Variants in NPC1 observed in about 807,000 individuals in gnomAD.
The protein encoded by NPC1 is NPC intracellular cholesterol transporter 1.
NPC1 carries 85 observed loss-of-function variants against 140.4 expected under a neutral mutation model. The observed-to-expected ratio is 0.61, with a 90% CI of 0.51 to 0.72. The LOEUF is 0.72. Among genes scored for constraint, NPC1 ranks in the 30% least tolerant of loss-of-function variants. The pLI, the probability that NPC1 is intolerant of heterozygous loss-of-function variation, is 0.00. For synonymous variants in NPC1, 656 were observed against 624.8 expected (o/e 1.05, Z -0.74); for missense variants, 1,504 against 1,623.8 (o/e 0.93, Z 1.27).
intron 20 of NPC1, 84 bp from the exon 21 acceptor site, chr18:23,536,960 C>T (rs763485232): frequency 1.1e-5 from 12 of 1,097,242 alleles, no homozygotes; most frequent in Non-Finnish European, 1.6e-5. Context: ...TAAGCAAAAT[C>T]ACCTGACCCT....
chr18:23,567,284 G>A (rs1017233113), intron 4 of NPC1, among the ~76,000 whole-genome samples: 2 of 152,178 alleles, frequency 1.3e-5, no homozygotes, highest in African/African-American at 2.4e-5. Context: ...ATGAATGAGA[G>A]CTCATTGCCA....
intron 19 of NPC1, chr18:23,539,070 C>T (rs1231010363): frequency 4.1e-6 from 2 of 483,420 alleles, no homozygotes; most frequent in Non-Finnish European, 7.5e-6. Context: ...AGATACCAAT[C>T]CTGAGAGGCA....
intron 3 of NPC1, chr18:23,509,353 C>T: frequency 1.9e-6 from 1 of 520,266 alleles, no homozygotes; most frequent in Non-Finnish European, 3.1e-6. Context: ...GAATTCAGTA[C>T]TGAATATATA....
chr18:23,527,131 C>T (rs1598906607), downstream of NPC1, among the ~76,000 whole-genome samples: 1 of 151,166 alleles, frequency 6.6e-6, no homozygotes, highest in East Asian at 1.9e-4. Flanking sequence ...TGCTTATAAT[C>T]CCAGCACTCT....
intron 1 of NPC1, chr18:23,524,064 C>A: frequency 6.6e-7 from 1 of 1,504,808 alleles, no homozygotes; most frequent in South Asian, 1.1e-5. Context: ...ACTTTTGTGT[C>A]ATAAGTACCA....
intron 3 of NPC1, chr18:23,507,986 A>G: frequency 6.2e-7 from 1 of 1,610,342 alleles, no homozygotes; most frequent in East Asian, 2.2e-5. Context: ...TCCTTTCAGG[A>G]TTTTTGTAAT....
chr18:23,578,660 CTAAT>C (rs755937045), intron 1 of NPC1, among the ~76,000 whole-genome samples: 1 of 152,236 alleles, frequency 6.6e-6, no homozygotes, highest in Non-Finnish European at 1.5e-5. Context: ...AAACACTGCT[CTAAT>C]TATATCCACA....
chr18:23,582,748 T>C (rs1365498674), intron 1 of NPC1, among the ~76,000 whole-genome samples: 6 of 149,380 alleles, frequency 4.0e-5, no homozygotes, highest in Admixed American at 2.7e-4. Flanking sequence ...GAGGCTGTAG[T>C]GAGCCAAGAT....
At position 23,586,359 on chromosome 18, in the gene NPC1, G is replaced by C. The variant is rs1430896709; in HGVS notation, c.-16C>G. The C allele has an allele frequency of 2.0e-6, 3 of 1,532,066 alleles. No homozygotes were observed. In the African/African-American group the frequency reaches 4.1e-5, roughly 21 times the overall value. 94.9% of individuals were successfully genotyped at this position (1,532,066 alleles called of 1,614,324 possible). A position where few individuals can be genotyped will look rare whatever the true frequency, so the allele number is the denominator to read the frequency against. On this transcript the variant is annotated 5_prime_UTR_variant, in exon 1 of 25. Coordinates refer to ENST00000269228, the MANE Select transcript of NPC1 (RefSeq NM_000271.5). ...GAGCGGTCATGCTGTGGCCGCGCAA[G>C]GCTGCTGACGCCGGCGGCGTTCGGC...
intron 3 of NPC1, among the ~76,000 whole-genome samples, chr18:23,571,485 C>A (rs2059202466): frequency 6.6e-6 from 1 of 152,012 alleles, no homozygotes; most frequent in African/African-American, 2.4e-5. Flanking sequence ...GGTGAAACCC[C>A]ACCTCTACTA....
intron 3 of NPC1, among the ~76,000 whole-genome samples, chr18:23,512,036 T>TTC (rs1567916696): frequency 4.4e-5 from 6 of 137,462 alleles, no homozygotes; most frequent in Admixed American, 2.2e-4. Flanking sequence ...TTTTTTTTTT[T>TTC]CTGAGACAGA....
intron 6 of NPC1, among the ~76,000 whole-genome samples, chr18:23,558,449 G>A (rs1239071467): frequency 6.6e-6 from 1 of 151,990 alleles, no homozygotes; most frequent in Admixed American, 6.6e-5. Flanking sequence ...CTCATCATGA[G>A]AAAATACCAG....
intron 4 of NPC1, among the ~76,000 whole-genome samples, chr18:23,566,655 C>T (rs567394072): frequency 6.6e-6 from 1 of 152,242 alleles, no homozygotes; most frequent in Non-Finnish European, 1.5e-5. Flanking sequence ...CCCTCCCTGA[C>T]AGTAGCCCCT....
chr18:23,556,421 G>C lies in NPC1; in HGVS notation c.1148C>G (p.Ala383Gly). 6.2e-7 allele frequency: 1 copy of C among 1,614,144 alleles called. No homozygotes were observed. Among genetic ancestry groups the C allele is most frequent in the Non-Finnish European group, 8.5e-7 (1 of 1,180,012 alleles). ...VTTNPVDLWS[A>G]PSSQARLEKE... ...TTCCAGGCGAGCCTGGCTGCTGGGG[G>C]CTGACCAGAGGTCAACTGGATTGGT... The change falls in exon 8 of 25, where the codon GCC (alanine) becomes GGC (glycine). Residue 383 changes from alanine (A) to glycine (G), a missense_variant. Transcript: ENST00000269228.
intron 3 of NPC1, chr18:23,515,920 T>C (rs1310480256): frequency 3.7e-6 from 6 of 1,614,180 alleles, no homozygotes; most frequent in Admixed American, 1.7e-5. Flanking sequence ...AATTGGTACA[T>C]GTACTGCCCC....
At chr18:23,551,816 G>A in intron 9 of NPC1, 89 bp from the exon 10 acceptor site, 1 of 909,726 alleles carries the variant, frequency 1.1e-6, no homozygotes. Flanking sequence ...ATTTGATGAG[G>A]CTGGCTGTAT....
rs2058814424 is a variant in NPC1, at chr18:23,548,089, G to T, written c.1674C>A (p.Ala558=). 6.2e-7 allele frequency: 1 copy of T among 1,609,382 alleles called. No individual in the cohort carries two copies. The stretch of plus-strand genomic sequence containing the variant: ...CAGGGAAGGTAATCACAAGGGCAGT[G>T]GCGTTATTGTAGTTTTGATCTAGAA... ...GGYDDQNYNN[A]TALVITFPVN... Residue 558 remains alanine (A), a synonymous_variant, in exon 11 of 25, where the codon GCC becomes GCA. Transcript: ENST00000269228.
At chr18:23,511,319 C>CTCAA (rs2057852090) in intron 3 of NPC1, among the ~76,000 whole-genome samples, 1 of 151,224 alleles carries the variant, frequency 6.6e-6, no homozygotes, top group African/African-American at 2.4e-5. Context: ...CGGGGGGCTA[C>CTCAA]TTGAGCAGGG....
At chr18:23,538,861 G>C in intron 19 of NPC1, 190 bp from the exon 20 acceptor site, 1 of 638,416 alleles carries the variant, frequency 1.6e-6, no homozygotes, top group South Asian at 1.9e-5. Flanking sequence ...TAATGAATCT[G>C]AAATACCATT....
Sources: allele counts gnomAD v4.1 joint callset (sites outside exome capture counted in the v4.1 genomes callset), GRCh38; gene constraint gnomAD v4.1.1; transcripts MANE v1.5; gene names NCBI Gene and HGNC (gene_info 2026-07-23, HGNC 2026-07-21).